The following RIC1 variants were observed in gnomAD, a reference collection of about 807,000 sequenced individuals.
The protein encoded by RIC1 is RIC1 partner of RAB6A GEF complex, also known as guanine nucleotide exchange factor subunit RIC1.
In RIC1, 88 loss-of-function variants were observed where a neutral mutation model predicts 169.0. The ratio of observed to expected loss-of-function variants is 0.52; its 90% CI spans 0.44 to 0.62. RIC1 has a LOEUF of 0.62. RIC1 is among the 20% of genes least tolerant of loss of function. RIC1 has a pLI of 0.00. For synonymous variants in RIC1, 790 were observed against 601.5 expected (o/e 1.31, Z -4.59); for missense variants, 1,877 against 1,725.5 (o/e 1.09, Z -1.56).
chr9:5,763,988 A>G lies in RIC1; in HGVS notation c.2841+120A>G. 19 of 1,119,962 alleles carry G rather than the reference A, an allele frequency of 1.7e-5. No homozygotes were observed. Among genetic ancestry groups the G allele is most frequent in the Non-Finnish European group, 2.0e-5 (16 of 791,654 alleles). The allele number at this position is 1,119,962 out of a possible 1,614,324, so 69.4% of individuals were successfully genotyped here. On this transcript the variant is annotated intron_variant, in intron 19 of 25. Transcript: ENST00000414202. The surrounding 1 kb of genome is among the most constrained non-coding windows in gnomAD (Gnocchi z 5.2). Reference sequence around the variant, plus strand: ...GAATTCATAGTCAAATTTTCTGTTTATATCTTTAATTTGGAAGAATTCAGA... The same window carrying G: ...GAATTCATAGTCAAATTTTCTGTTTGTATCTTTAATTTGGAAGAATTCAGA...
Position 5,690,546 on chromosome 9 carries a change from C to G in RIC1, c.332+508C>G, listed in dbSNP as rs575488783. Among the ~76,000 whole-genome samples the G allele has an allele frequency of 5.4e-5, 8 of 148,044 alleles. No homozygotes were observed. In the South Asian group the frequency reaches 6.4e-4, roughly 12 times the overall value. On this transcript the variant is annotated intron_variant, in intron 3 of 25. Coordinates refer to ENST00000414202, the MANE Select transcript of RIC1 (RefSeq NM_020829.4). ...TTAACTTTTGAAATAAAAGAACATACAATTGTAAAGCATTCCATCTTTTTT... is the reference window on the plus strand; with the variant it reads ...TTAACTTTTGAAATAAAAGAACATAGAATTGTAAAGCATTCCATCTTTTTT...
In RIC1 at chr9:5,769,369, A is replaced by G. The variant is rs145881987; in HGVS notation, c.3424+113A>G. On this transcript the variant is annotated intron_variant, in intron 22 of 25. Coordinates refer to ENST00000414202, the MANE Select transcript of RIC1 (RefSeq NM_020829.4). ...AATTATTTTCATTCCAAACTTAGGA[A>G]TGGATAAAAGCCAACTTTTTGTACA... is the stretch of plus-strand genomic sequence containing the variant. The G allele has an allele frequency of 1.4e-5, 22 of 1,608,044 alleles. No homozygotes were observed. The African/African-American group carries it at 1.9e-4, about 14-fold the overall frequency.
At chr9:5,745,787 T>C (rs931688041) in intron 10 of RIC1, 144 bp from the exon 11 acceptor site, 7 of 649,752 alleles carry the variant, frequency 1.1e-5, no homozygotes, top group Admixed American at 2.9e-5. Flanking sequence ...GATTCTTGTC[T>C]GTGTTATCAC....
rs900016938 is a variant in RIC1, at chr9:5,765,286, T to C, written c.2842-128T>C. On this transcript the variant is annotated intron_variant, in intron 19 of 25. Transcript: ENST00000414202. Reference sequence around the variant, plus strand: ...TTCCTTGTATGGTACTTTTTAATCTTATTATTAAACTAACCCCTGTGGTGG... The same window carrying C: ...TTCCTTGTATGGTACTTTTTAATCTCATTATTAAACTAACCCCTGTGGTGG... The C allele has an allele frequency of 2.9e-5, 27 of 944,160 alleles. No homozygotes were observed. In the African/African-American group the frequency reaches 4.2e-4, roughly 15 times the overall value. The allele number at this position is 944,160 out of a possible 1,614,324, so 58.5% of individuals were successfully genotyped here.
At chr9:5,718,867 G>GA (rs1054883638) in intron 4 of RIC1, among the ~76,000 whole-genome samples, 10 of 151,994 alleles carry the variant, frequency 6.6e-5, no homozygotes, top group Non-Finnish European at 1.3e-4. Context: ...TATAGTTGGG[G>GA]AAAAAACAGC....
At chr9:5,768,786 C>T (rs1416742899) in intron 21 of RIC1, among the ~76,000 whole-genome samples, 184 bp from the exon 22 acceptor site, 1 of 152,166 alleles carries the variant, frequency 6.6e-6, no homozygotes, top group Admixed American at 6.5e-5. Context: ...TAAGAGCCTT[C>T]TGTGTTCCGA....
Position 5,656,493 on chromosome 9 carries a change from T to A in RIC1, c.145-90T>A, listed in dbSNP as rs1025428397. On this transcript the variant is annotated intron_variant, in intron 1 of 25. Coordinates refer to ENST00000414202, the MANE Select transcript of RIC1 (RefSeq NM_020829.4). ...GTCTTTTATTTTACTGTAAAAATAC[T>A]TTGAATACTCTGTTATCTTAAATTT... 7 of 573,688 alleles carry A rather than the reference T, an allele frequency of 1.2e-5. 1 individual carries two copies. The East Asian group carries it at 2.0e-4, about 17-fold the overall frequency. 35.5% of individuals were successfully genotyped at this position (573,688 alleles called of 1,614,324 possible). A position where few individuals can be genotyped will look rare whatever the true frequency, so the allele number is the denominator to read the frequency against.
chr9:5,706,452 A>G (rs1388050548), intron 3 of RIC1, among the ~76,000 whole-genome samples: 3 of 152,240 alleles, frequency 2.0e-5, no homozygotes, highest in African/African-American at 7.2e-5. Flanking sequence ...CTCTGTCTCA[A>G]AAAAAAGGAA....
intron 4 of RIC1, among the ~76,000 whole-genome samples, chr9:5,717,829 A>C (rs915160726): frequency 6.7e-6 from 1 of 148,648 alleles, no homozygotes; most frequent in African/African-American, 2.5e-5. Flanking sequence ...AGAGTAAGAG[A>C]CTGTTTAAAA....
chr9:5,629,338 G>C lies in RIC1; in HGVS notation c.29G>C (p.Arg10Thr). 6.5e-7 allele frequency: 1 copy of C among 1,531,010 alleles called. No individual in the cohort carries two copies. Among genetic ancestry groups the C allele is most frequent in the East Asian group, 2.5e-5 (1 of 40,266 alleles). The allele number at this position is 1,531,010 out of a possible 1,614,324, so 94.8% of individuals were successfully genotyped here. MYFLSGWPK[R>T]LLCPLGSPAE... ...TATTTTCTGAGCGGCTGGCCCAAGA[G>C]GCTGCTGTGCCCTCTGGGGAGCCCG... Residue 10 changes from arginine (R) to threonine (T), a missense_variant, in exon 1 of 26, where the codon AGG becomes ACG. Arg to Thr is a moderately conservative substitution (Grantham distance 71, BLOSUM62 -1). Around this residue, in one of 3 missense-constraint regions of RIC1, gnomAD observed 1,104 missense variants for 992.0 expected, o/e 1.11. Transcript: ENST00000414202.
chr9:5,698,306 T>C (rs1822022773), intron 3 of RIC1, among the ~76,000 whole-genome samples: 1 of 152,222 alleles, frequency 6.6e-6, no homozygotes, highest in Non-Finnish European at 1.5e-5. Context: ...CTTGGTATTG[T>C]GGTTTGATTT....
chr9:5,683,880 A>G (rs2130664369), intron 2 of RIC1, among the ~76,000 whole-genome samples: 1 of 152,092 alleles, frequency 6.6e-6, no homozygotes, highest in South Asian at 2.1e-4. Context: ...GCCACCTTGC[A>G]GTTTGATCTC....
intron 2 of RIC1, among the ~76,000 whole-genome samples, chr9:5,688,683 A>G (rs1288870340): frequency 6.6e-6 from 1 of 152,202 alleles, no homozygotes; most frequent in African/African-American, 2.4e-5. Context: ...AAAGAAAGCA[A>G]ACCACCTGGT....
chr9:5,652,277 T>C (rs10975210), intron 1 of RIC1, among the ~76,000 whole-genome samples: 5 of 152,238 alleles, frequency 3.3e-5, no homozygotes, highest in Admixed American at 1.3e-4. Context: ...AGGGATTACA[T>C]TGGATCTGTA....
At chr9:5,725,674 G>A (rs200310091) in intron 6 of RIC1, among the ~76,000 whole-genome samples, 41 of 151,748 alleles carry the variant, frequency 2.7e-4, no homozygotes, top group Admixed American at 2.2e-3. Context: ...TAGATCTTTC[G>A]TGCTTTCTGT....
intron 7 of RIC1, among the ~76,000 whole-genome samples, chr9:5,736,428 C>G (rs1013529939): frequency 6.6e-6 from 1 of 152,152 alleles, no homozygotes; most frequent in Admixed American, 6.5e-5. Flanking sequence ...AGATGAGAAA[C>G]AAAATTATCT....
At chr9:5,702,775 G>C (rs1392998136) in intron 3 of RIC1, among the ~76,000 whole-genome samples, 2 of 152,120 alleles carry the variant, frequency 1.3e-5, no homozygotes, top group African/African-American at 4.8e-5. Context: ...TCGAACTCCT[G>C]AGCTCAGGCA....
intron 2 of RIC1, among the ~76,000 whole-genome samples, chr9:5,684,573 A>G (rs1282376224): frequency 6.6e-6 from 1 of 151,750 alleles, no homozygotes; most frequent in Non-Finnish European, 1.5e-5. Flanking sequence ...AATGCAGTTG[A>G]TTTTTCTATA....
Position 5,765,675 on chromosome 9 carries a change from G to C in RIC1, c.3014G>C (p.Ser1005Thr). ...STPTAQEPSSSGGFEFFRNRS... is the reference protein window; with the variant it reads ...STPTAQEPSSTGGFEFFRNRS... ...GTGTAATCCTAGGAACCCAGTTCAA[G>C]TGGTGGATTTGAGTTCTTCAGGAAT... The change falls in exon 21 of 26, where the codon AGT becomes ACT. Residue 1005 changes from serine (S) to threonine (T), a missense_variant. Ser to Thr is a moderately conservative substitution (Grantham distance 58). Transcript: ENST00000414202. 1.9e-6 allele frequency: 3 copies of C among 1,614,192 alleles called. No individual in the cohort carries two copies. Among genetic ancestry groups the C allele is most frequent in the Non-Finnish European group, 2.5e-6 (3 of 1,180,012 alleles).
Sources: allele counts gnomAD v4.1 joint callset (sites outside exome capture counted in the v4.1 genomes callset), GRCh38; gene constraint gnomAD v4.1.1; regional missense constraint gnomAD v4.1.1; non-coding constraint Gnocchi (gnomAD v3.1); transcripts MANE v1.5; gene names NCBI Gene and HGNC (gene_info 2026-07-23, HGNC 2026-07-21).